The following RBM6 variants were observed in gnomAD, a reference collection of about 807,000 sequenced individuals.
The protein encoded by RBM6 is RNA-binding protein 6.
RBM6 carries 23 observed loss-of-function variants against 140.4 expected under a neutral mutation model. That is an observed-to-expected ratio of 0.16 (90% CI 0.12 to 0.23). The LOEUF (loss-of-function observed/expected upper bound fraction) is 0.23, where lower values mean the gene tolerates loss of function less well. Ranked by LOEUF, RBM6 falls within the 10% of genes least tolerant of loss-of-function variation. The pLI, the probability that RBM6 is intolerant of heterozygous loss-of-function variation, is 1.00. For synonymous variants in RBM6, 439 were observed against 475.6 expected, an observed-to-expected ratio of 0.92 and a Z score of 1.00; for missense variants, 1,139 against 1,386.7, an observed-to-expected ratio of 0.82 and a Z score of 2.84.
At chr3:49,993,709 A>G (rs2085936209) in intron 5 of RBM6, among the ~76,000 whole-genome samples, 1 of 152,144 alleles carries the variant, frequency 6.6e-6, no homozygotes, top group African/African-American at 2.4e-5. Context: ...TCTTTAAAAA[A>G]AAAAACAACC....
chr3:49,973,407 G>T (rs922626302), intron 4 of RBM6, among the ~76,000 whole-genome samples: 1 of 152,082 alleles, frequency 6.6e-6, no homozygotes, highest in Non-Finnish European at 1.5e-5. Flanking sequence ...TGCCCAGGCA[G>T]TTCATGCTGA....
chr3:49,998,593 G>A (rs2086190021), intron 5 of RBM6, among the ~76,000 whole-genome samples: 2 of 152,190 alleles, frequency 1.3e-5, no homozygotes, highest in Admixed American at 6.5e-5. Context: ...CCAGTCTCGT[G>A]AGTCATACAA....
At chr3:49,949,033 A>T (rs1238529801) in intron 1 of RBM6, among the ~76,000 whole-genome samples, 1 of 150,028 alleles carries the variant, frequency 6.7e-6, no homozygotes, top group East Asian at 2.0e-4. Flanking sequence ...GTTTCACTAT[A>T]TTGGCCAGGC....
At chr3:49,962,228 G>A (rs1021894567) in intron 1 of RBM6, among the ~76,000 whole-genome samples, 1 of 151,014 alleles carries the variant, frequency 6.6e-6, no homozygotes, top group Non-Finnish European at 1.5e-5. Context: ...CTAGGTGGGC[G>A]GATCATGAGG....
At chr3:49,991,682 G>A (rs563682895) in intron 5 of RBM6, among the ~76,000 whole-genome samples, 6 of 152,264 alleles carry the variant, frequency 3.9e-5, no homozygotes, top group Non-Finnish European at 7.4e-5. Context: ...CTGGATATCG[G>A]TTACAGGGCA....
chr3:49,954,405 A>C (rs2083878613), intron 1 of RBM6, among the ~76,000 whole-genome samples: 1 of 148,892 alleles, frequency 6.7e-6, no homozygotes, highest in Non-Finnish European at 1.5e-5. Flanking sequence ...GCACCATTGC[A>C]CTCCAGCCTG....
At chr3:49,983,830 G>A (rs2085419849) in intron 5 of RBM6, among the ~76,000 whole-genome samples, 2 of 152,114 alleles carry the variant, frequency 1.3e-5, no homozygotes, top group Admixed American at 6.6e-5. Flanking sequence ...ACACTAATAG[G>A]GCTGGGCTAG....
In RBM6 at chr3:49,967,220, C is replaced by T; in HGVS notation, c.45-250C>T. ...CAGGACTGGGTGAAAGCTTTTTCTG[C>T]AGCAGTCATGTTGAAAACCTTGTGT... On this transcript the variant is annotated intron_variant, in intron 2 of 20. Transcript: ENST00000266022. The surrounding 1 kb of genome is among the most constrained non-coding windows in gnomAD (Gnocchi z 4.0). 8.0e-7 allele frequency: 1 copy of T among 1,250,190 alleles called. No homozygotes were observed. The highest frequency in any genetic ancestry group is 3.7e-5 in the Admixed American group (1 of 26,834). 77.4% of individuals were successfully genotyped at this position (1,250,190 alleles called of 1,614,324 possible). A position where few individuals can be genotyped will look rare whatever the true frequency, so the allele number is the denominator to read the frequency against.
chr3:50,016,895 G>A (rs1029222099), intron 6 of RBM6, among the ~76,000 whole-genome samples: 9 of 145,830 alleles, frequency 6.2e-5, no homozygotes, highest in Non-Finnish European at 1.2e-4. Context: ...GTATGACCTC[G>A]GCTTACTGCA....
At chr3:49,980,666 G>T (rs1300002218) in intron 5 of RBM6, among the ~76,000 whole-genome samples, 1 of 150,764 alleles carries the variant, frequency 6.6e-6, no homozygotes, top group African/African-American at 2.4e-5. Flanking sequence ...GGAGGCTAAG[G>T]CAGGAGAATC....
intron 7 of RBM6, chr3:50,054,074 T>G (rs1242194111): frequency 2.6e-6 from 1 of 389,928 alleles, no homozygotes; most frequent in Non-Finnish European, 4.6e-6. Context: ...ATATTTCCTA[T>G]AGGAATCTTT....
In RBM6 at chr3:50,058,497, A is replaced by G; in HGVS notation, c.2065A>G (p.Ile689Val). 1 of 1,608,624 alleles carries G rather than the reference A, an allele frequency of 6.2e-7. No homozygotes were observed. The highest frequency in any genetic ancestry group is 8.5e-7 in the Non-Finnish European group (1 of 1,174,994). The change falls in exon 10 of 21, where the codon ATC becomes GTC. Residue 689 changes from isoleucine to valine, a missense_variant. Around this residue, in one of 9 missense-constraint regions of RBM6, gnomAD observed 47 missense variants for 117.6 expected, o/e 0.40. Coordinates refer to ENST00000266022, the MANE Select transcript of RBM6 (RefSeq NM_005777.3). ...YVRLTTANVR[I>V]IKNRTGPMGH... ...CCGCCTTACTACTGCCAACGTCCGT[A>G]TCATCAAGAACAGAACAGGCCCTAT...
chr3:50,040,543 TGC>T (rs1180931179), intron 6 of RBM6, among the ~76,000 whole-genome samples: 1 of 140,498 alleles, frequency 7.1e-6, no homozygotes, highest in East Asian at 2.1e-4. Flanking sequence ...CACACACACA[TGC>T]ATATATATAT....
rs553565016 is a variant in RBM6, at chr3:50,073,619, G to C, written c.3117-1582G>C. Among the ~76,000 whole-genome samples, 7 of 152,168 alleles carry C rather than the reference G, an allele frequency of 4.6e-5. No individual in the cohort carries two copies. In the South Asian group the frequency reaches 1.0e-3, roughly 23 times the overall value. On this transcript the variant is annotated intron_variant, in intron 19 of 20. Transcript: ENST00000266022. ...CCCATTCTATTCCACCTCCACACTGGACTCCTACTCCCAGTCTTTGCTCCC... is the reference window on the plus strand; with the variant it reads ...CCCATTCTATTCCACCTCCACACTGCACTCCTACTCCCAGTCTTTGCTCCC...
chr3:50,070,580 A>C, intron 19 of RBM6, 28 bp downstream of exon 19: 2 of 1,537,384 alleles, frequency 1.3e-6, no homozygotes, highest in Non-Finnish European at 1.8e-6. Flanking sequence ...CATTCAGCCT[A>C]GGCCTCAAGC....
intron 1 of RBM6, among the ~76,000 whole-genome samples, chr3:49,955,160 C>CTTTTTTTTTTTTTTTTTTTTTT (rs869272546): frequency 6.1e-4 from 44 of 72,706 alleles, no homozygotes; most frequent in East Asian, 8.8e-4. Flanking sequence ...TTTTTTCTTT[C>CTTTTTTTTTTTTTTTTTTTTTT]TTTTTTTTTT....
At chr3:50,012,346 T>C (rs1193796402) in intron 6 of RBM6, among the ~76,000 whole-genome samples, 1 of 151,558 alleles carries the variant, frequency 6.6e-6, no homozygotes, top group African/African-American at 2.4e-5. Flanking sequence ...CCATGCCCAG[T>C]CCATTCCAAT....
At chr3:50,046,154 GC>G (rs929331381) in intron 6 of RBM6, among the ~76,000 whole-genome samples, 2 of 151,734 alleles carry the variant, frequency 1.3e-5, no homozygotes, top group African/African-American at 4.8e-5. Flanking sequence ...GGTGGTGTGC[GC>G]CTGTAGTCCC....
chr3:49,960,160 A>T (rs961391536), intron 1 of RBM6, among the ~76,000 whole-genome samples: 3 of 152,128 alleles, frequency 2.0e-5, no homozygotes, highest in Non-Finnish European at 2.9e-5. Context: ...GGTAGAACAG[A>T]TATGTACGAT....
Sources: gnomAD v4.1 joint callset for allele counts (sites outside exome capture counted in the v4.1 genomes callset) on GRCh38, gnomAD v4.1.1 for gene constraint, gnomAD v4.1.1 regional missense constraint, Gnocchi (gnomAD v3.1) non-coding constraint, MANE v1.5 for transcripts, NCBI Gene and HGNC (gene_info 2026-07-23, HGNC 2026-07-21) for gene names.